GPC4: variants seen among roughly 807,000 people sequenced by gnomAD.
GPC4 encodes glypican-4.
GPC4 carries 10 observed loss-of-function variants against 35.0 expected under a neutral mutation model. The ratio of observed to expected loss-of-function variants is 0.29; its 90% CI spans 0.18 to 0.48. GPC4 has a LOEUF of 0.48. Ranked by LOEUF, GPC4 falls within the 20% of genes least tolerant of loss-of-function variation. GPC4 has a pLI of 0.99. For synonymous variants in GPC4, 167 were observed against 170.2 expected, an observed-to-expected ratio of 0.98 and a Z score of 0.15; for missense variants, 322 against 451.3, an observed-to-expected ratio of 0.71 and a Z score of 2.60.
chrX:133,364,199 C>T (rs908853422), intron 1 of GPC4, among the ~76,000 whole-genome samples: 2 of 111,794 alleles, frequency 1.8e-5, no homozygotes, highest in African/African-American at 6.5e-5. Flanking sequence ...GATATAGAAA[C>T]CCTTTTAGAA....
Position 133,324,343 on chromosome X carries a change from C to T in GPC4, c.513G>A (p.Arg171=). ...ACTGGGAGTTCACCAGGCGGAACAT[C>T]CGCTCCAGGAGGCGAGCCCAGAAGT... ...LNDFWARLLE[R]MFRLVNSQYH... is the part of the protein sequence containing the mutation. Residue 171 remains arginine, a synonymous_variant, in exon 3 of 9, where the codon CGG becomes CGA. Transcript: ENST00000370828. 8.3e-7 allele frequency: 1 copy of T among 1,211,412 alleles called. No homozygotes were observed. Among genetic ancestry groups the T allele is most frequent in the Non-Finnish European group, 1.1e-6 (1 of 895,361 alleles).
At chrX:133,386,321 A>G (rs977386737) in intron 1 of GPC4, among the ~76,000 whole-genome samples, 1 of 111,685 alleles carries the variant, frequency 9.0e-6, no homozygotes, top group Non-Finnish European at 1.9e-5. Flanking sequence ...GTTTAAACAA[A>G]GAATACATAT....
At chrX:133,356,068 G>C (rs1432267278) in intron 1 of GPC4, among the ~76,000 whole-genome samples, 10 of 111,367 alleles carry the variant, frequency 9.0e-5, no homozygotes, top group African/African-American at 2.9e-4. Context: ...GTAACAGTCA[G>C]GCACTTCAAG....
At position 133,344,191 on chromosome X, in the gene GPC4, G is replaced by GTTTTTTTTTTTTTTTTTTTTTTTTTTT; in HGVS notation, c.161-4877_161-4851dup. Among the ~76,000 whole-genome samples, 2 of 38,891 alleles carry GTTTTTTTTTTTTTTTTTTTTTTTTTTT rather than the reference G, an allele frequency of 5.1e-5. 1 individual carries two copies. The highest frequency in any genetic ancestry group is 1.0e-4 in the Non-Finnish European group (2 of 19,226). 33.8% of individuals were successfully genotyped at this position (38,891 alleles called of 115,157 possible). Reference sequence around the variant, plus strand: ...TCTTTATTTTCTTTCTTTCTTTCTGGTTTTTTTTTTTTTTTTTTTTTTTTT... The same window carrying GTTTTTTTTTTTTTTTTTTTTTTTTTTT: ...TCTTTATTTTCTTTCTTTCTTTCTGGTTTTTTTTTTTTTTTTTTTTTTTTTTTTTTTTTTTTTTTTTTTTTTTTTTTT... On this transcript the variant is annotated intron_variant, in intron 1 of 8. Transcript: ENST00000370828.
chrX:133,375,119 A>G (rs1030239109), intron 1 of GPC4, among the ~76,000 whole-genome samples: 3 of 112,452 alleles, frequency 2.7e-5, no homozygotes, highest in Admixed American at 9.4e-5. Flanking sequence ...ATGACAAAGT[A>G]TCTCACAGGA....
In GPC4 at chrX:133,415,190, G is replaced by T. The variant is rs2068833209; in HGVS notation, c.-225C>A. ...CCCGGTGCCAGGCGCCGGGCCAGGG[G>T]AGAAGGAGGGCGTGGAGGCGGCGCG... On this transcript the variant is annotated 5_prime_UTR_variant, in exon 1 of 9. Transcript: ENST00000370828. The T allele has an allele frequency of 2.6e-6, 1 of 391,332 alleles. No homozygotes were observed. The highest frequency in any genetic ancestry group is 4.4e-6 in the Non-Finnish European group (1 of 227,579). 32.3% of individuals were successfully genotyped at this position (391,332 alleles called of 1,213,427 possible). A position where few individuals can be genotyped will look rare whatever the true frequency, so the allele number is the denominator to read the frequency against.
chrX:133,309,987 T>C (rs764081812), intron 4 of GPC4, among the ~76,000 whole-genome samples: 4 of 112,199 alleles, frequency 3.6e-5, no homozygotes, highest in African/African-American at 9.7e-5. Context: ...TCAGGTCTTC[T>C]AGCTTTGAGC....
At chrX:133,333,184 G>C (rs1185963472) in intron 2 of GPC4, among the ~76,000 whole-genome samples, 1 of 112,374 alleles carries the variant, frequency 8.9e-6, no homozygotes, top group Non-Finnish European at 1.9e-5. Context: ...TAGAAGTAGA[G>C]CAGGCAGTGA....
rs925319418 is a variant in GPC4, at chrX:133,339,179, A to T, written c.319+4T>A. On this transcript the variant is annotated splice_donor_region_variant and intron_variant, in intron 2 of 8. Transcript: ENST00000370828. ...GGTTCTTACATATGACTTGAATAAC[A>T]TACCATCAAACTTCTTGTAACGTGA... 1 of 1,210,833 alleles carries T rather than the reference A, an allele frequency of 8.3e-7. No individual in the cohort carries two copies. The highest frequency in any genetic ancestry group is 1.7e-5 in the African/African-American group (1 of 57,835).
chrX:133,338,208 T>C (rs2068452772), intron 2 of GPC4, among the ~76,000 whole-genome samples: 1 of 111,732 alleles, frequency 8.9e-6, no homozygotes, highest in Admixed American at 9.6e-5. Flanking sequence ...CTCACCATGG[T>C]AACAAGCCCT....
chrX:133,310,616 AT>A (rs1330986247), intron 4 of GPC4, among the ~76,000 whole-genome samples: 5 of 112,090 alleles, frequency 4.5e-5, no homozygotes, highest in African/African-American at 1.6e-4. Flanking sequence ...CTACTGCTAA[AT>A]GGTGTACAGA....
chrX:133,365,566 G>T (rs775864592), intron 1 of GPC4, among the ~76,000 whole-genome samples: 1 of 111,333 alleles, frequency 9.0e-6, no homozygotes, highest in African/African-American at 3.3e-5. Flanking sequence ...TCAGATCTGG[G>T]TCTCTTGAGC....
At chrX:133,414,744 G>T in intron 1 of GPC4, 62 bp downstream of exon 1, 1 of 1,174,830 alleles carries the variant, frequency 8.5e-7, no homozygotes, top group Non-Finnish European at 1.1e-6. Flanking sequence ...GGGGAAGGGA[G>T]TTGCAGCCTC....
chrX:133,382,693 CA>C (rs1462764021), intron 1 of GPC4, among the ~76,000 whole-genome samples: 2 of 112,540 alleles, frequency 1.8e-5, no homozygotes, highest in Non-Finnish European at 3.7e-5. Flanking sequence ...CGCGCCACTG[CA>C]CTCCAGCCTG....
chrX:133,372,060 C>T (rs1168762160), intron 1 of GPC4, among the ~76,000 whole-genome samples: 3 of 109,132 alleles, frequency 2.7e-5, no homozygotes, highest in Non-Finnish European at 5.7e-5. Context: ...ATGGTGAAAC[C>T]ACATCTCTAC....
At chrX:133,357,450 T>C (rs1165811387) in intron 1 of GPC4, among the ~76,000 whole-genome samples, 1 of 108,260 alleles carries the variant, frequency 9.2e-6, no homozygotes, top group Non-Finnish European at 1.9e-5. Context: ...TGCAGTGGCA[T>C]CATCATAGCT....
chrX:133,378,588 G>GAA (rs71786541), intron 1 of GPC4, among the ~76,000 whole-genome samples: 2 of 63,157 alleles, frequency 3.2e-5, no homozygotes, highest in African/African-American at 1.2e-4. Flanking sequence ...AAAAAAAAAA[G>GAA]AAAAAAAAAA....
At chrX:133,328,100 C>T (rs763771401) in intron 2 of GPC4, among the ~76,000 whole-genome samples, 7 of 111,199 alleles carry the variant, frequency 6.3e-5, no homozygotes, top group East Asian at 5.7e-4. Context: ...TCTCCACATA[C>T]GGTTTTATGA....
intron 2 of GPC4, among the ~76,000 whole-genome samples, chrX:133,328,213 A>G (rs945638529): frequency 4.5e-5 from 5 of 111,493 alleles, no homozygotes; most frequent in South Asian, 7.7e-4. Flanking sequence ...AGTCAACCAG[A>G]CAAAAATCAG....
Sources: allele counts gnomAD v4.1 joint callset (sites outside exome capture counted in the v4.1 genomes callset), GRCh38; gene constraint gnomAD v4.1.1; transcripts MANE v1.5; gene names NCBI Gene and HGNC (gene_info 2026-07-23, HGNC 2026-07-21).